Variants in RBBP4 observed in about 807,000 individuals in gnomAD.
RBBP4 encodes histone-binding protein RBBP4.
RBBP4 carries 3 observed loss-of-function variants against 57.2 expected under a neutral mutation model. The ratio of observed to expected loss-of-function variants is 0.05; its 90% confidence interval spans 0.02 to 0.14. The LOEUF (loss-of-function observed/expected upper bound fraction) is 0.14. Among genes scored for constraint, RBBP4 ranks in the 10% least tolerant of loss-of-function variants. The pLI is 1.00. For missense variants in RBBP4, 107 were observed against 520.6 expected (o/e 0.21, Z 7.73); for synonymous variants, 151 against 171.5 (o/e 0.88, Z 0.93).
chr1:32,666,511 G>A (rs555211075), intron 3 of RBBP4, among the ~76,000 whole-genome samples: 1 of 151,976 alleles, frequency 6.6e-6, no homozygotes, highest in South Asian at 2.1e-4. Context: ...CGCCTGCCAC[G>A]ACGCCCAGCT....
chr1:32,653,174 A>G (rs1451145931), intron 2 of RBBP4, among the ~76,000 whole-genome samples: 1 of 152,188 alleles, frequency 6.6e-6, no homozygotes, highest in Admixed American at 6.6e-5. Context: ...TATAATTAGC[A>G]TAAAAGTGGT....
In RBBP4 at chr1:32,684,962, T is replaced by A. The variant is rs1398206404; in HGVS notation, c.*5257T>A. On this transcript the variant is annotated 3_prime_UTR_variant, in exon 12 of 12. Transcript: ENST00000373493. ...CTGGTACTTAACATCATATGGAAAT[T>A]GATGCTTTAGTGAGGGTGTTGGCTA... The A allele has an allele frequency of 2.6e-5, 4 of 152,476 alleles. No individual in the cohort carries two copies. The highest frequency in any genetic ancestry group is 9.7e-5 in the African/African-American group (4 of 41,430). 9.4% of individuals were successfully genotyped at this position (152,476 alleles called of 1,614,324 possible). A position where few individuals can be genotyped will look rare whatever the true frequency, so the allele number is the denominator to read the frequency against.
intron 8 of RBBP4, among the ~76,000 whole-genome samples, 154 bp from the exon 9 acceptor site, chr1:32,672,296 T>C (rs185334398): frequency 6.6e-6 from 1 of 152,298 alleles, no homozygotes; most frequent in African/African-American, 2.4e-5. Flanking sequence ...TAAAATAAAT[T>C]CTTTAGCTCT....
At position 32,683,777 on chromosome 1, in the gene RBBP4, T is replaced by A. The variant is rs1649611458; in HGVS notation, c.*4072T>A. 6.6e-6 allele frequency: 3 copies of A among 456,546 alleles called. No individual in the cohort carries two copies. The highest frequency in any genetic ancestry group is 4.0e-6 in the Non-Finnish European group (1 of 249,822). The allele number at this position is 456,546 out of a possible 1,614,324, so 28.3% of individuals were successfully genotyped here. On this transcript the variant is annotated 3_prime_UTR_variant, in exon 12 of 12. Transcript: ENST00000373493. ...CCTCCTGAGTAGCTGGGATTATAAG[T>A]GCCTGCCACTATGCCCGGCTAATTT...
In RBBP4 at chr1:32,680,549, T is replaced by C. The variant is rs1367461104; in HGVS notation, c.*844T>C. On this transcript the variant is annotated 3_prime_UTR_variant, in exon 12 of 12. Coordinates refer to ENST00000373493, the MANE Select transcript of RBBP4 (RefSeq NM_005610.3). ...AGGAGTTAGTCCTTGACCACTAGTTTGATGCCATCTCCATTTTGGGTGACC... is the reference window on the plus strand; with the variant it reads ...AGGAGTTAGTCCTTGACCACTAGTTCGATGCCATCTCCATTTTGGGTGACC... 6.5e-7 allele frequency: 1 copy of C among 1,545,644 alleles called. No homozygotes were observed.
intron 3 of RBBP4, 41 bp downstream of exon 3, chr1:32,657,613 C>A: frequency 6.3e-7 from 1 of 1,598,606 alleles, no homozygotes; most frequent in South Asian, 1.1e-5. Flanking sequence ...ATGTGTGGGT[C>A]ATATCTGTTA....
In RBBP4 at chr1:32,666,673, T is replaced by C. The variant is rs191441792; in HGVS notation, c.311-1552T>C. Among the ~76,000 whole-genome samples the C allele has an allele frequency of 5.3e-5, 8 of 152,124 alleles. No homozygotes were observed. The East Asian group carries it at 1.5e-3, about 29-fold the overall frequency. On this transcript the variant is annotated intron_variant, in intron 3 of 11. Transcript: ENST00000373493. Reference sequence around the variant, plus strand: ...CGCCTGGCTGAAAACTTTATTAAGATCTGTTTTTGAAGTATGTGGGCGAAG... The same window carrying C: ...CGCCTGGCTGAAAACTTTATTAAGACCTGTTTTTGAAGTATGTGGGCGAAG...
Position 32,669,968 on chromosome 1 carries a change from C to A in RBBP4, c.966+405C>A, listed in dbSNP as rs1194011313. Among the ~76,000 whole-genome samples the A allele has an allele frequency of 6.6e-6, 1 of 152,234 alleles. No individual in the cohort carries two copies. The highest frequency in any genetic ancestry group is 1.5e-5 in the Non-Finnish European group (1 of 68,048). ...TTATGCCGTTGCTAAAAATAGAAAT[C>A]TATATGCCTATGCTACTTTCTGTGG... On this transcript the variant is annotated intron_variant, in intron 8 of 11. Transcript: ENST00000373493. The surrounding 1 kb of genome is among the most constrained non-coding windows in gnomAD (Gnocchi z 4.9).
rs1414705642 is a variant in RBBP4 at position 32,683,796 on chromosome 1, C to CACT, written c.*4091_*4092insACT. 1.9e-6 allele frequency: 1 copy of CACT among 518,682 alleles called. No homozygotes were observed. Among genetic ancestry groups the CACT allele is most frequent in the African/African-American group, 1.9e-5 (1 of 51,770 alleles). The allele number at this position is 518,682 out of a possible 1,614,324, so 32.1% of individuals were successfully genotyped here. On this transcript the variant is annotated 3_prime_UTR_variant, in exon 12 of 12. Transcript: ENST00000373493. The stretch of plus-strand genomic sequence containing the variant: ...TATAAGTGCCTGCCACTATGCCCGG[C>CACT]TAATTTTTGTATTTTTAGTGGAGAT...
At chr1:32,656,720 G>T (rs915310949) in intron 2 of RBBP4, among the ~76,000 whole-genome samples, 2 of 152,114 alleles carry the variant, frequency 1.3e-5, no homozygotes, top group South Asian at 4.1e-4. Context: ...CGTTTGGAGC[G>T]ATGTGTCCAT....
chr1:32,681,871 G>A lies in RBBP4; in HGVS notation c.*2166G>A, dbSNP rs1435367520. On this transcript the variant is annotated 3_prime_UTR_variant, in exon 12 of 12. Coordinates refer to ENST00000373493, the MANE Select transcript of RBBP4 (RefSeq NM_005610.3). ...ATTTCTAAACAGCCCCTGTAAAGTT[G>A]AAAGAAAAAGTTTATAACAGTGAAC... 2.5e-6 allele frequency: 4 copies of A among 1,613,680 alleles called. No homozygotes were observed. In the Admixed American group the frequency reaches 6.7e-5, roughly 27 times the overall value.
chr1:32,683,749 T>C lies in RBBP4; in HGVS notation c.*4044T>C, dbSNP rs1649609531. On this transcript the variant is annotated 3_prime_UTR_variant, in exon 12 of 12. Coordinates refer to ENST00000373493, the MANE Select transcript of RBBP4 (RefSeq NM_005610.3). ...CCTGGTTCAAGCGATTCTCCTGCCT[T>C]GGCCTCCTGAGTAGCTGGGATTATA... is the stretch of plus-strand genomic sequence containing the variant. The C allele has an allele frequency of 2.7e-6, 1 of 375,774 alleles. No individual in the cohort carries two copies. The highest frequency in any genetic ancestry group is 2.1e-5 in the African/African-American group (1 of 47,746). The allele number at this position is 375,774 out of a possible 1,614,324, so 23.3% of individuals were successfully genotyped here. A position where few individuals can be genotyped will look rare whatever the true frequency, so the allele number is the denominator to read the frequency against.
At chr1:32,666,477 T>A (rs1648652075) in intron 3 of RBBP4, among the ~76,000 whole-genome samples, 1 of 151,938 alleles carries the variant, frequency 6.6e-6, no homozygotes, top group Non-Finnish European at 1.5e-5. Flanking sequence ...TGTCTCAGCC[T>A]CCCCAGTAGC....
chr1:32,665,160 T>G (rs575160806), intron 3 of RBBP4, among the ~76,000 whole-genome samples: 1 of 152,272 alleles, frequency 6.6e-6, no homozygotes, highest in Non-Finnish European at 1.5e-5. Flanking sequence ...GTACCATATA[T>G]GCCTTGTTTT....
chr1:32,665,179 T>C (rs1182105145), intron 3 of RBBP4, among the ~76,000 whole-genome samples: 1 of 152,154 alleles, frequency 6.6e-6, no homozygotes, highest in Non-Finnish European at 1.5e-5. Context: ...TTTTCATAGA[T>C]TGTAGATGCT....
At chr1:32,672,338 A>C in intron 8 of RBBP4, 112 bp from the exon 9 acceptor site, 2 of 826,782 alleles carry the variant, frequency 2.4e-6, no homozygotes, top group Non-Finnish European at 3.8e-6. Context: ...TAATACCTTG[A>C]CTTCCTCTTC....
At chr1:32,671,073 G>A (rs1218293359) in intron 8 of RBBP4, among the ~76,000 whole-genome samples, 1 of 151,956 alleles carries the variant, frequency 6.6e-6, no homozygotes, top group African/African-American at 2.4e-5. Context: ...TACCATATTT[G>A]GTAGCAAACT....
At chr1:32,661,398 A>G (rs1648402639) in intron 3 of RBBP4, among the ~76,000 whole-genome samples, 1 of 149,166 alleles carries the variant, frequency 6.7e-6, no homozygotes, top group Non-Finnish European at 1.5e-5. Context: ...AGGTTCAAGC[A>G]GTTCTTCTGC....
chr1:32,661,818 CG>C (rs1180160182), intron 3 of RBBP4, among the ~76,000 whole-genome samples: 3 of 126,948 alleles, frequency 2.4e-5, no homozygotes, highest in Non-Finnish European at 4.9e-5. Context: ...TTTTCACATT[CG>C]TTGTCTGCTT....
Sources: gnomAD v4.1 joint callset for allele counts (sites outside exome capture counted in the v4.1 genomes callset) on GRCh38, gnomAD v4.1.1 for gene constraint, Gnocchi (gnomAD v3.1) non-coding constraint, MANE v1.5 for transcripts, NCBI Gene and HGNC (gene_info 2026-07-23, HGNC 2026-07-21) for gene names.